The following CLYBL variants were observed in gnomAD, a reference collection of about 807,000 sequenced individuals.
The protein encoded by CLYBL is citramalyl-CoA lyase, also known as citramalyl-CoA lyase, mitochondrial.
A neutral mutation model predicts 38.9 loss-of-function variants in CLYBL; 31 were observed. That is an observed-to-expected ratio of 0.80 (90% CI 0.60 to 1.08). The LOEUF is 1.08. Ranked by LOEUF, CLYBL falls within the 50% of genes least tolerant of loss-of-function variation. CLYBL has a pLI of 0.00. For synonymous variants in CLYBL, 171 were observed against 158.6 expected (o/e 1.08, Z -0.59); for missense variants, 434 against 411.6 (o/e 1.05, Z -0.47).
intron 1 of CLYBL, among the ~76,000 whole-genome samples, chr13:99,689,474 G>A (rs1339959616): frequency 6.6e-6 from 1 of 152,224 alleles, no homozygotes; most frequent in Non-Finnish European, 1.5e-5. Flanking sequence ...GAAGAAAAAG[G>A]CAAGAGAAAA....
intron 1 of CLYBL, among the ~76,000 whole-genome samples, chr13:99,744,730 G>A (rs2048820381): frequency 6.6e-6 from 1 of 152,164 alleles, no homozygotes; most frequent in Non-Finnish European, 1.5e-5. Flanking sequence ...GGTACCCAGG[G>A]CAAGGGAAAG....
chr13:99,907,562 C>T (rs2052709233), intron 9 of CLYBL, among the ~76,000 whole-genome samples: 1 of 152,030 alleles, frequency 6.6e-6, no homozygotes, highest in African/African-American at 2.4e-5. Context: ...ACTAACTATA[C>T]ATCAATTTTT....
At chr13:99,851,563 A>G (rs959279512) in intron 2 of CLYBL, among the ~76,000 whole-genome samples, 1 of 152,142 alleles carries the variant, frequency 6.6e-6, no homozygotes. Context: ...AAAATGGCCA[A>G]TAAGCACATG....
Position 99,711,400 on chromosome 13 carries a change from C to T in CLYBL, c.63-61424C>T, listed in dbSNP as rs562739345. Among the ~76,000 whole-genome samples, 280 of 137,530 alleles carry T rather than the reference C, an allele frequency of 2.0e-3. 3 individuals are homozygous for T. Among genetic ancestry groups the T allele is most frequent in the African/African-American group, 7.2e-3 (270 of 37,506 alleles). 90.2% of individuals were successfully genotyped at this position (137,530 alleles called of 152,430 possible). A position where few individuals can be genotyped will look rare whatever the true frequency, so the allele number is the denominator to read the frequency against. On this transcript the variant is annotated intron_variant, in intron 1 of 8. Coordinates refer to ENST00000339105, the MANE Select transcript of CLYBL (RefSeq NM_206808.5). ...ATATGACAGAAGGGGTGAGGGAGTC[C>T]GTCTTTTTTTTTTTTTTTTTTTTTT...
chr13:99,831,654 A>AT lies in CLYBL; in HGVS notation c.250-27198dup, dbSNP rs773131679. ...TAATATTAGATCTTTTGAAGTAAGC[A>AT]TTTTTTTTTGCCCGTGTAATAGCTG... On this transcript the variant is annotated intron_variant, in intron 2 of 8. Coordinates refer to ENST00000339105, the MANE Select transcript of CLYBL (RefSeq NM_206808.5). 3.3e-3 allele frequency among the ~76,000 whole-genome samples: 497 copies of AT among 149,612 alleles called. 5 individuals are homozygous for AT. The highest frequency in any genetic ancestry group is 0.011 in the African/African-American group (460 of 40,688).
chr13:99,718,573 T>A (rs2048352038), intron 1 of CLYBL, among the ~76,000 whole-genome samples: 2 of 152,176 alleles, frequency 1.3e-5, no homozygotes, highest in Non-Finnish European at 2.9e-5. Context: ...TATGAGGCAG[T>A]GCTTCTTCAG....
intron 1 of CLYBL, among the ~76,000 whole-genome samples, chr13:99,742,170 C>T (rs1303019671): frequency 1.3e-5 from 2 of 152,286 alleles, no homozygotes; most frequent in Middle Eastern, 3.4e-3. Flanking sequence ...CTATGGAGCA[C>T]TCGGTTCCGG....
chr13:99,762,760 T>C (rs1475202858), intron 1 of CLYBL, among the ~76,000 whole-genome samples: 1 of 152,218 alleles, frequency 6.6e-6, no homozygotes, highest in Non-Finnish European at 1.5e-5. Context: ...CTTTAAGTAG[T>C]CTTGTCATTT....
At chr13:99,674,326 A>G (rs1282095584) in intron 1 of CLYBL, among the ~76,000 whole-genome samples, 1 of 150,902 alleles carries the variant, frequency 6.6e-6, no homozygotes, top group Non-Finnish European at 1.5e-5. Flanking sequence ...TAATTTTTGT[A>G]TTTTTAATAA....
rs66941924 is a variant in CLYBL at position 99,800,907 on chromosome 13, C to CA, written c.249+27910dup. ...AAACAACAACAACAAAAAAAAAAAACAAAAAAAAAAAAACGTAATTGGGTT... is the reference window on the plus strand; with the variant it reads ...AAACAACAACAACAAAAAAAAAAAACAAAAAAAAAAAAAACGTAATTGGGTT... On this transcript the variant is annotated intron_variant, in intron 2 of 8. Transcript: ENST00000339105. Among the ~76,000 whole-genome samples, 708 of 139,206 alleles carry CA rather than the reference C, an allele frequency of 5.1e-3. 1 individual carries two copies. Among genetic ancestry groups the CA allele is most frequent in the African/African-American group, 5.6e-3 (206 of 36,966 alleles). 91.3% of individuals were successfully genotyped at this position (139,206 alleles called of 152,430 possible).
intron 1 of CLYBL, among the ~76,000 whole-genome samples, chr13:99,607,280 TA>T (rs1460511833): frequency 6.7e-6 from 1 of 149,776 alleles, no homozygotes; most frequent in African/African-American, 2.5e-5. Context: ...TTAATACAAA[TA>T]ACACTTTAAT....
intron 2 of CLYBL, among the ~76,000 whole-genome samples, chr13:99,807,632 A>G (rs1331755649): frequency 6.6e-6 from 1 of 152,060 alleles, no homozygotes. Context: ...TCATAGAGAA[A>G]GGAGAAAGAC....
intron 1 of CLYBL, chr13:99,727,342 A>C (rs1475740058): frequency 6.6e-6 from 1 of 151,976 alleles, no homozygotes; most frequent in Admixed American, 6.6e-5. Context: ...AATTGCTGAG[A>C]AGAAAGAACT....
chr13:99,623,958 C>CA (rs754256330), intron 1 of CLYBL, among the ~76,000 whole-genome samples: 15,139 of 63,704 alleles, frequency 0.24, 1,313 homozygotes, highest in East Asian at 0.41. Flanking sequence ...GACTCCATCT[C>CA]AAAAAAAAAA....
At chr13:99,880,192 C>T (rs190663794) in intron 7 of CLYBL, among the ~76,000 whole-genome samples, 1,530 of 151,502 alleles carry the variant, frequency 0.01, 13 homozygotes, top group Non-Finnish European at 0.012. Context: ...TTCAGCCTCC[C>T]GAGTAGCTGG....
chr13:99,665,580 C>G (rs778626397), intron 1 of CLYBL, among the ~76,000 whole-genome samples: 9 of 151,058 alleles, frequency 6.0e-5, no homozygotes, highest in African/African-American at 7.3e-5. Context: ...ACATATGGTC[C>G]CAAAGGTTAA....
rs548932814 is a variant in CLYBL at position 99,909,306 on chromosome 13, G to A, written c.*1412G>A. On this transcript the variant is annotated 3_prime_UTR_variant and NMD_transcript_variant, in exon 10 of 10. Transcript: ENST00000689673. ...CTCTGGGCTTCAGTTGTCTCATTCT[G>A]TAAAATGGTGATATTACTGGAACTC... Among the ~76,000 whole-genome samples the A allele has an allele frequency of 6.6e-5, 10 of 152,368 alleles. No individual in the cohort carries two copies. The South Asian group carries it at 1.9e-3, about 28-fold the overall frequency.
At position 99,608,539 on chromosome 13, in the gene CLYBL, G is replaced by C. The variant is rs555417789; in HGVS notation, c.62+1782G>C. 7.8e-4 allele frequency among the ~76,000 whole-genome samples: 118 copies of C among 152,240 alleles called. 1 individual carries two copies. Among genetic ancestry groups the C allele is most frequent in the African/African-American group, 2.7e-3 (114 of 41,550 alleles). On this transcript the variant is annotated intron_variant, in intron 1 of 8. Coordinates refer to ENST00000339105, the MANE Select transcript of CLYBL (RefSeq NM_206808.5). ...AGGAGCAGCTCAGGCAGTGTATCCA[G>C]GCTGGTCCAGAAGGGTCCTTTTCTG...
At chr13:99,795,061 C>T (rs962254041) in intron 2 of CLYBL, among the ~76,000 whole-genome samples, 4 of 152,030 alleles carry the variant, frequency 2.6e-5, no homozygotes, top group South Asian at 2.1e-4. Context: ...TATTCTGTAC[C>T]GGCTATGCAG....
Sources: gnomAD v4.1 joint callset for allele counts (sites outside exome capture counted in the v4.1 genomes callset) on GRCh38, gnomAD v4.1.1 for gene constraint, MANE v1.5 for transcripts, NCBI Gene and HGNC (gene_info 2026-07-23, HGNC 2026-07-21) for gene names.